The following RBMX2 variants were observed in gnomAD, a reference collection of about 807,000 sequenced individuals.
RBMX2 encodes the protein RNA-binding motif protein, X-linked 2.
For synonymous variants in RBMX2, 77 were observed against 94.3 expected, an observed-to-expected ratio of 0.82 and a Z score of 1.07; for missense variants, 191 against 256.0, an observed-to-expected ratio of 0.75 and a Z score of 1.73.
At chrX:130,409,465 A>T in intron 4 of RBMX2, 79 bp downstream of exon 4, 1 of 1,029,445 alleles carries the variant, frequency 9.7e-7, no homozygotes. Context: ...GTTCCCGCAG[A>T]CACAAGGGCA....
At chrX:130,402,143 C>T (rs2034457926) in intron 1 of RBMX2, 106 bp downstream of exon 1, 1 of 1,160,047 alleles carries the variant, frequency 8.6e-7, no homozygotes, top group African/African-American at 1.8e-5. Context: ...GGGAGCGGCG[C>T]GGGGACTGGA....
chrX:130,402,229 T>TAAC, intron 1 of RBMX2, 26 bp from the exon 2 acceptor site: 1 of 723,013 alleles, frequency 1.4e-6, no homozygotes, highest in Non-Finnish European at 1.9e-6. Flanking sequence ...CTGCCTACCC[T>TAAC]CCCCACCCCC....
chrX:130,413,340 G>T lies in RBMX2; in HGVS notation c.*492G>T. On this transcript the variant is annotated 3_prime_UTR_variant, in exon 6 of 6. Transcript: ENST00000305536. The stretch of plus-strand genomic sequence containing the variant: ...CTTTTTCATTAAAACTTTTTTGTTC[G>T]ATATGCCTCTTTCCACATTTTTTCC... 1 of 111,947 alleles carries T rather than the reference G, an allele frequency of 8.9e-6. No homozygotes were observed. The highest frequency in any genetic ancestry group is 4.7e-3 in the Middle Eastern group (1 of 214). The allele number at this position is 111,947 out of a possible 1,213,427, so 9.2% of individuals were successfully genotyped here.
At chrX:130,411,201 C>T in intron 4 of RBMX2, 147 bp from the exon 5 acceptor site, 1 of 508,405 alleles carries the variant, frequency 2.0e-6, no homozygotes, top group Non-Finnish European at 3.1e-6. Context: ...TATGACACAC[C>T]AGTTGGACAG....
Position 130,412,864 on chromosome X carries a change from A to G in RBMX2, c.*16A>G, listed in dbSNP as rs776103297. 8.8e-5 allele frequency: 103 copies of G among 1,176,537 alleles called. No homozygotes were observed. The highest frequency in any genetic ancestry group is 1.1e-4 in the Non-Finnish European group (99 of 880,744). Reference sequence around the variant, plus strand: ...GCGTCACTGAAGACTTCAGCTGCACAGTAGATTTGGAAATAATTATGTTTT... The same window carrying G: ...GCGTCACTGAAGACTTCAGCTGCACGGTAGATTTGGAAATAATTATGTTTT... On this transcript the variant is annotated 3_prime_UTR_variant, in exon 6 of 6. Transcript: ENST00000305536.
chrX:130,410,633 C>T (rs912103458), intron 4 of RBMX2, among the ~76,000 whole-genome samples: 7 of 111,883 alleles, frequency 6.3e-5, no homozygotes, highest in South Asian at 7.5e-4. Context: ...GTGATCCACC[C>T]GCTTTGGCCT....
rs772757477 is a variant in RBMX2, at chrX:130,409,274, A to G, written c.191A>G (p.Asn64Ser). The part of the protein sequence containing the change: ...CVFSQYGEIV[N>S]INLVRDKKTG... Reference sequence around the variant, plus strand: ...ATAAATAGATATGGGGAGATTGTTAACATTAATCTCGTGCGGGACAAGAAA... The same window carrying G: ...ATAAATAGATATGGGGAGATTGTTAGCATTAATCTCGTGCGGGACAAGAAA... The change falls in exon 4 of 6, where the codon AAC becomes AGC. Residue 64 changes from asparagine (N) to serine (S), a missense_variant. Transcript: ENST00000305536. 1.7e-6 allele frequency: 2 copies of G among 1,205,684 alleles called. No individual in the cohort carries two copies. The highest frequency in any genetic ancestry group is 4.7e-4 in the Middle Eastern group (2 of 4,290).
At chrX:130,412,323 C>G (rs1411998932) in intron 5 of RBMX2, 38 bp from the exon 6 acceptor site, 2 of 1,079,644 alleles carry the variant, frequency 1.9e-6, no homozygotes, top group Non-Finnish European at 2.4e-6. Context: ...TATTTTTTTC[C>G]CTTTTCTTAT....
intron 1 of RBMX2, 30 bp from the exon 2 acceptor site, chrX:130,402,225 A>AACCCAACCC: frequency 1.0e-6 from 1 of 984,797 alleles, no homozygotes; most frequent in Non-Finnish European, 1.4e-6. Context: ...TTTTCTGCCT[A>AACCCAACCC]CCCTCCCCAC....
chrX:130,402,224 T>TGCCCA, intron 1 of RBMX2, 31 bp from the exon 2 acceptor site: 12 of 1,174,320 alleles, frequency 1.0e-5, no homozygotes, highest in Non-Finnish European at 1.4e-5. Context: ...CTTTTCTGCC[T>TGCCCA]ACCCTCCCCA....
At chrX:130,408,060 C>T (rs142062124) in intron 3 of RBMX2, among the ~76,000 whole-genome samples, 48 of 109,163 alleles carry the variant, frequency 4.4e-4, no homozygotes, top group Middle Eastern at 4.7e-3. Flanking sequence ...AGGCTGGTCT[C>T]GAACTACTGG....
At chrX:130,402,225 A>AACCACCC in intron 1 of RBMX2, 30 bp from the exon 2 acceptor site, 3 of 984,783 alleles carry the variant, frequency 3.0e-6, no homozygotes, top group Non-Finnish European at 4.2e-6. Context: ...TTTTCTGCCT[A>AACCACCC]CCCTCCCCAC....
At chrX:130,409,166 C>T in intron 3 of RBMX2, 91 bp from the exon 4 acceptor site, 1 of 808,937 alleles carries the variant, frequency 1.2e-6, no homozygotes, top group Non-Finnish European at 1.7e-6. Flanking sequence ...CTCTTGTATA[C>T]ACTATATTAT....
chrX:130,403,732 G>T, intron 2 of RBMX2, 70 bp from the exon 3 acceptor site: 1 of 989,501 alleles, frequency 1.0e-6, no homozygotes. Flanking sequence ...CTAGTGCCTG[G>T]CCTAGTGCGT....
At chrX:130,411,652 G>A in intron 5 of RBMX2, 127 bp downstream of exon 5, 1 of 643,288 alleles carries the variant, frequency 1.6e-6, no homozygotes, top group Non-Finnish European at 2.2e-6. Context: ...AGTTTAATTG[G>A]GAAAGCAGGG....
intron 1 of RBMX2, 28 bp from the exon 2 acceptor site, chrX:130,402,227 C>CCCG: frequency 9.8e-7 from 1 of 1,023,973 alleles, no homozygotes; most frequent in Non-Finnish European, 1.4e-6. Flanking sequence ...TTCTGCCTAC[C>CCCG]CTCCCCACCC....
At chrX:130,411,627 G>A in intron 5 of RBMX2, 102 bp downstream of exon 5, 1 of 813,266 alleles carries the variant, frequency 1.2e-6, no homozygotes, top group Non-Finnish European at 1.7e-6. Flanking sequence ...GAAAGGGGAA[G>A]GTGTGGGGAA....
chrX:130,401,993 C>A lies in RBMX2; in HGVS notation c.-40C>A. 8.5e-7 allele frequency: 1 copy of A among 1,181,432 alleles called. No individual in the cohort carries two copies. The highest frequency in any genetic ancestry group is 1.9e-5 in the South Asian group (1 of 53,463). The stretch of plus-strand genomic sequence containing the variant: ...CGCGCATGCGCTGCGCTGCCTTTCC[C>A]GGGCGCTGATTCCTGAGTGCTGAGC... On this transcript the variant is annotated 5_prime_UTR_variant, in exon 1 of 6. Transcript: ENST00000305536.
chrX:130,402,739 A>G (rs2034462865), intron 2 of RBMX2, among the ~76,000 whole-genome samples: 1 of 110,402 alleles, frequency 9.1e-6, no homozygotes, highest in African/African-American at 3.3e-5. Context: ...GCATTCTAGA[A>G]CTCTTGGTCT....
Sources: gnomAD v4.1 joint callset for allele counts (sites outside exome capture counted in the v4.1 genomes callset) on GRCh38, gnomAD v4.1.1 for gene constraint, MANE v1.5 for transcripts, NCBI Gene and HGNC (gene_info 2026-07-23, HGNC 2026-07-21) for gene names.